The following GGTA1 variants were observed in gnomAD, a reference collection of about 807,000 sequenced individuals.
The protein encoded by GGTA1 is glycoprotein alpha-galactosyltransferase 1 (inactive), also known as inactive N-acetyllactosaminide alpha-1,3-galactosyltransferase.
In GGTA1, 5 loss-of-function variants were observed where a neutral mutation model predicts 2.6. The observed-to-expected ratio is 1.92, with a 90% CI of 1.00 to 4.04. The LOEUF is 4.04. Ranked by LOEUF, GGTA1 falls within the 30% of genes most tolerant of loss-of-function variation. GGTA1 has a pLI of 0.00. For synonymous variants in GGTA1, 17 were observed against 5.0 expected, an observed-to-expected ratio of 3.38 and a Z score of -3.19; for missense variants, 50 against 16.7, an observed-to-expected ratio of 2.99 and a Z score of -3.47.
chr9:121,473,564 TG>T (rs1828440110), intron 1 of GGTA1, among the ~76,000 whole-genome samples: 1 of 152,162 alleles, frequency 6.6e-6, no homozygotes. Flanking sequence ...CTTGTGTGTT[TG>T]TCTCTCTGAA....
chr9:121,481,551 C>T (rs1447394553), intron 1 of GGTA1, among the ~76,000 whole-genome samples: 1 of 151,290 alleles, frequency 6.6e-6, no homozygotes, highest in African/African-American at 2.4e-5. Context: ...GGTGTGGTGG[C>T]ATGTGCTTGT....
rs146652730 is a variant in GGTA1 at position 121,460,128 on chromosome 9, C to T, written c.274G>A (p.Gly92Ser). 1.1e-4 allele frequency: 52 copies of T among 456,796 alleles called. No homozygotes were observed. The highest frequency in any genetic ancestry group is 4.8e-4 in the African/African-American group (24 of 50,190). 28.3% of individuals were successfully genotyped at this position (456,796 alleles called of 1,614,324 possible). ...KGRKMTQQSF[G>S]YGTGLIQT ...CTTTGGATTAAACCAGTCCCATAGC[C>T]GAAGCTCTGTTGTGTCATTTTCCTT... Residue 92 changes from glycine (G) to serine (S), a missense_variant, in exon 5 of 6, where the codon GGC becomes AGC. Gly to Ser is a moderately conservative substitution (Grantham distance 56). Transcript: ENST00000481799.
At chr9:121,461,229 C>T (rs933024744) in intron 4 of GGTA1, 23 bp downstream of exon 4, 5 of 455,684 alleles carry the variant, frequency 1.1e-5, no homozygotes, top group Admixed American at 4.7e-5. Flanking sequence ...GGGCAAACAC[C>T]GACTGCTGTC....
intron 1 of GGTA1, among the ~76,000 whole-genome samples, chr9:121,488,464 C>G (rs1828806529): frequency 6.6e-6 from 1 of 152,106 alleles, no homozygotes. Context: ...CCTGTAATCC[C>G]AGCACTTTGG....
intron 1 of GGTA1, among the ~76,000 whole-genome samples, chr9:121,498,466 C>T (rs142976649): frequency 6.6e-6 from 1 of 152,362 alleles, no homozygotes; most frequent in East Asian, 1.9e-4. Flanking sequence ...ACACCCCCCA[C>T]TCCCAGAGCC....
At chr9:121,465,019 C>CAA (rs1175876346) in intron 2 of GGTA1, among the ~76,000 whole-genome samples, 4 of 132,758 alleles carry the variant, frequency 3.0e-5, no homozygotes, top group African/African-American at 8.2e-5. Flanking sequence ...AAAAAAAAAA[C>CAA]AAAAAACAAC....
chr9:121,491,264 G>A lies in GGTA1; in HGVS notation c.-10+8386C>T, dbSNP rs1239295830. On this transcript the variant is annotated intron_variant, in intron 1 of 5. Coordinates refer to ENST00000481799, the MANE Select transcript of GGTA1 (RefSeq NM_001382585.1). ...GAGGACAGCTGGCCTGCCACTTGAG[G>A]ACTCATGGTTTCCCTGGGGCAGGAG... is the stretch of plus-strand genomic sequence containing the variant. Among the ~76,000 whole-genome samples the A allele has an allele frequency of 1.6e-4, 25 of 152,182 alleles. 1 individual carries two copies. Among genetic ancestry groups the A allele is most frequent in the Admixed American group, 1.6e-3 (25 of 15,278 alleles).
chr9:121,456,538 C>G (rs1039032440), intron 5 of GGTA1, among the ~76,000 whole-genome samples: 1 of 152,096 alleles, frequency 6.6e-6, no homozygotes, highest in Non-Finnish European at 1.5e-5. Flanking sequence ...CTGCCTCAGC[C>G]TCCTGAGTAG....
chr9:121,462,761 G>T (rs2064971168), intron 3 of GGTA1: 1 of 152,214 alleles, frequency 6.6e-6, no homozygotes, highest in South Asian at 2.1e-4. Flanking sequence ...TATCAGAAAT[G>T]AAGGCTGGGG....
intron 7 of GGTA1, among the ~76,000 whole-genome samples, chr9:121,448,916 T>C (rs1252434520): frequency 1.3e-5 from 2 of 152,260 alleles, no homozygotes; most frequent in African/African-American, 2.4e-5. Flanking sequence ...TCCACCATTA[T>C]AGTATCATAC....
intron 1 of GGTA1, among the ~76,000 whole-genome samples, chr9:121,480,149 G>A (rs909170724): frequency 4.0e-5 from 6 of 151,260 alleles, no homozygotes; most frequent in South Asian, 2.1e-4. Context: ...TCCGCCTCCC[G>A]GGTTCAAGTG....
chr9:121,474,714 G>A (rs1011156550), intron 1 of GGTA1, among the ~76,000 whole-genome samples: 4 of 152,154 alleles, frequency 2.6e-5, no homozygotes, highest in Non-Finnish European at 4.4e-5. Context: ...CTCGTGCCAG[G>A]GGAAAAGGTG....
exon 8 of GGTA1, chr9:121,446,516 A>G (rs1005071625): frequency 1.3e-5 from 2 of 152,244 alleles, no homozygotes; most frequent in African/African-American, 4.8e-5. Context: ...ACCCATCAGA[A>G]ATAGGCAGAC....
chr9:121,471,475 A>T (rs1329420704), intron 1 of GGTA1, among the ~76,000 whole-genome samples: 1 of 152,186 alleles, frequency 6.6e-6, no homozygotes, highest in Non-Finnish European at 1.5e-5. Context: ...GACACAGGTC[A>T]TTTTCCAATT....
intron 1 of GGTA1, among the ~76,000 whole-genome samples, chr9:121,487,500 C>T (rs913533372): frequency 6.8e-5 from 10 of 146,528 alleles, no homozygotes; most frequent in Non-Finnish European, 8.9e-5. Flanking sequence ...CGTTTGAACC[C>T]GGGAGGCAGA....
intron 2 of GGTA1, among the ~76,000 whole-genome samples, chr9:121,465,959 A>T (rs1292048267): frequency 6.6e-6 from 1 of 152,096 alleles, no homozygotes; most frequent in Non-Finnish European, 1.5e-5. Flanking sequence ...TCTGTCACCC[A>T]GGCTGGAGTG....
chr9:121,488,771 TG>T (rs1828813377), intron 1 of GGTA1, among the ~76,000 whole-genome samples: 1 of 151,242 alleles, frequency 6.6e-6, no homozygotes, highest in Non-Finnish European at 1.5e-5. Context: ...TAGCCAGGCA[TG>T]GTGGTGCATG....
chr9:121,478,240 T>C (rs1828556861), intron 1 of GGTA1, among the ~76,000 whole-genome samples: 1 of 152,202 alleles, frequency 6.6e-6, no homozygotes, highest in Non-Finnish European at 1.5e-5. Context: ...CAGCTCTTCC[T>C]TGGACCAGCT....
chr9:121,457,849 C>A (rs541678446), intron 5 of GGTA1, among the ~76,000 whole-genome samples: 1 of 151,316 alleles, frequency 6.6e-6, no homozygotes, highest in East Asian at 1.9e-4. Flanking sequence ...GGAAGCAAAG[C>A]GACCTTGATA....
Sources: gnomAD v4.1 joint callset for allele counts (sites outside exome capture counted in the v4.1 genomes callset) on GRCh38, gnomAD v4.1.1 for gene constraint, MANE v1.5 for transcripts, NCBI Gene and HGNC (gene_info 2026-07-23, HGNC 2026-07-21) for gene names.